The following ZNF618 variants were observed in gnomAD, a reference collection of about 807,000 sequenced individuals.
ZNF618 encodes the protein neural precursor cell expressed, developmentally down-regulated 10.
ZNF618 carries 34 observed loss-of-function variants against 103.0 expected under a neutral mutation model. That is an observed-to-expected ratio of 0.33 (90% CI 0.25 to 0.44). The LOEUF (loss-of-function observed/expected upper bound fraction) is 0.44. Among genes scored for constraint, ZNF618 ranks in the 20% least tolerant of loss-of-function variants. The pLI, the probability that ZNF618 is intolerant of heterozygous loss-of-function variation, is 1.00. For missense variants in ZNF618, 1,059 were observed against 1,295.4 expected, an observed-to-expected ratio of 0.82 and a Z score of 2.80; for synonymous variants, 551 against 542.2, an observed-to-expected ratio of 1.02 and a Z score of -0.23.
chr9:113,918,101 G>A (rs1312786911), intron 1 of ZNF618, among the ~76,000 whole-genome samples: 1 of 152,166 alleles, frequency 6.6e-6, no homozygotes, highest in Non-Finnish European at 1.5e-5. Context: ...GTGCCCTTGA[G>A]TCCTTTAAAG....
At chr9:113,968,191 G>A (rs928838204) in intron 1 of ZNF618, among the ~76,000 whole-genome samples, 1 of 152,152 alleles carries the variant, frequency 6.6e-6, no homozygotes, top group African/African-American at 2.4e-5. Context: ...CCTATGTAGG[G>A]TTACCTATGC....
intron 1 of ZNF618, among the ~76,000 whole-genome samples, chr9:113,953,941 G>T (rs1013856713): frequency 1.3e-5 from 2 of 152,156 alleles, no homozygotes; most frequent in Non-Finnish European, 2.9e-5. Context: ...AGTGCTTTAA[G>T]AAAACAGGGG....
At chr9:113,958,584 A>G (rs574219134) in intron 1 of ZNF618, among the ~76,000 whole-genome samples, 1 of 152,182 alleles carries the variant, frequency 6.6e-6, no homozygotes, top group South Asian at 2.1e-4. Flanking sequence ...GGATCTCCCC[A>G]TTTTACAGAT....
intron 9 of ZNF618, among the ~76,000 whole-genome samples, chr9:114,012,113 TC>T (rs1842307367): frequency 1.3e-5 from 2 of 151,374 alleles, no homozygotes; most frequent in Middle Eastern, 3.4e-3. Context: ...CTGAAAATGA[TC>T]TACCACAAAA....
intron 1 of ZNF618, among the ~76,000 whole-genome samples, chr9:113,899,396 G>T (rs7040839): frequency 1.3e-5 from 2 of 152,014 alleles, no homozygotes; most frequent in Middle Eastern, 3.2e-3. Context: ...GACCAGTACA[G>T]GTCCGTGGCC....
chr9:114,041,986 G>A lies in ZNF618; in HGVS notation c.1246+5609G>A, dbSNP rs576422242. Reference sequence around the variant, plus strand: ...GCATGGAATGTTCTTCCATTTGTTTGTATCCTCTTTTATTTCCTTGAGCAG... The same window carrying A: ...GCATGGAATGTTCTTCCATTTGTTTATATCCTCTTTTATTTCCTTGAGCAG... On this transcript the variant is annotated intron_variant, in intron 13 of 14. Transcript: ENST00000374126. 2.0e-5 allele frequency among the ~76,000 whole-genome samples: 3 copies of A among 152,214 alleles called. No individual in the cohort carries two copies. The East Asian group carries it at 5.8e-4, about 29-fold the overall frequency.
chr9:113,971,014 C>A (rs1263482175), intron 2 of ZNF618, among the ~76,000 whole-genome samples: 1 of 148,226 alleles, frequency 6.7e-6, no homozygotes, highest in Non-Finnish European at 1.5e-5. Context: ...GGGAGAGGAG[C>A]AGGTAGAGCT....
intron 2 of ZNF618, among the ~76,000 whole-genome samples, 171 bp from the exon 3 acceptor site, chr9:113,988,150 C>G (rs555972118): frequency 4.5e-4 from 68 of 152,280 alleles, no homozygotes; most frequent in Admixed American, 1.8e-3. Flanking sequence ...TCAGGGTTCC[C>G]TGGAAGAGCC....
At chr9:113,963,322 CT>C (rs1837041646) in intron 1 of ZNF618, among the ~76,000 whole-genome samples, 1 of 152,128 alleles carries the variant, frequency 6.6e-6, no homozygotes, top group African/African-American at 2.4e-5. Flanking sequence ...GATGTTTGTA[CT>C]AACATATAAA....
chr9:113,956,027 T>C (rs1158280267), intron 1 of ZNF618, among the ~76,000 whole-genome samples: 2 of 151,730 alleles, frequency 1.3e-5, no homozygotes, highest in Non-Finnish European at 2.9e-5. Context: ...CTGACCAACA[T>C]GGTGAAACCC....
Position 114,007,638 on chromosome 9 carries a change from A to G in ZNF618, c.640+199A>G, listed in dbSNP as rs534895893. Among the ~76,000 whole-genome samples the G allele has an allele frequency of 2.6e-5, 4 of 152,348 alleles. No homozygotes were observed. In the South Asian group the frequency reaches 8.3e-4, roughly 32 times the overall value. On this transcript the variant is annotated intron_variant, in intron 7 of 14. Coordinates refer to ENST00000374126, the MANE Select transcript of ZNF618 (RefSeq NM_001318042.2). ...ACCATCATACTCCACATACACTTCT[A>G]TTTAGGTTAACCCAAGTGAAATTGC...
At chr9:113,954,422 C>T (rs962986325) in intron 1 of ZNF618, among the ~76,000 whole-genome samples, 16 of 152,208 alleles carry the variant, frequency 1.1e-4, no homozygotes, top group African/African-American at 3.9e-4. Flanking sequence ...ACCCAAGCAA[C>T]CTACATGTTG....
chr9:113,957,463 A>G (rs1443551918), intron 1 of ZNF618, among the ~76,000 whole-genome samples: 2 of 152,298 alleles, frequency 1.3e-5, no homozygotes, highest in East Asian at 3.9e-4. Context: ...CAGCAACCTC[A>G]TTGAACAGAT....
intron 6 of ZNF618, among the ~76,000 whole-genome samples, chr9:114,003,884 G>A (rs1019267039): frequency 6.6e-6 from 1 of 152,148 alleles, no homozygotes; most frequent in Non-Finnish European, 1.5e-5. Flanking sequence ...CGTCTCCGTC[G>A]CAAGTATTCA....
In ZNF618 at chr9:114,051,511, ACTCCGAAGTCAG is replaced by A. The variant is rs1846131391; in HGVS notation, c.*1346_*1357del. 1 of 152,776 alleles carries A rather than the reference ACTCCGAAGTCAG, an allele frequency of 6.5e-6. No individual in the cohort carries two copies. The highest frequency in any genetic ancestry group is 1.5e-5 in the Non-Finnish European group (1 of 68,500). The allele number at this position is 152,776 out of a possible 1,614,324, so 9.5% of individuals were successfully genotyped here. On this transcript the variant is annotated 3_prime_UTR_variant, in exon 15 of 15. Transcript: ENST00000374126. The stretch of plus-strand genomic sequence containing the variant: ...TCCCGGACCCTGGCAGTCCACAGCG[ACTCCGAAGTCAG>A]CCCATAGTCACATCCACCACACCTC...
At chr9:113,946,888 G>A (rs1000649880) in intron 1 of ZNF618, among the ~76,000 whole-genome samples, 5 of 152,206 alleles carry the variant, frequency 3.3e-5, no homozygotes, top group African/African-American at 9.7e-5. Flanking sequence ...CCTGACAGGT[G>A]TTTGCTTGTT....
Position 114,048,862 on chromosome 9 carries a change from G to T in ZNF618, c.1560G>T (p.Thr520=), listed in dbSNP as rs753381367. 2 of 1,607,554 alleles carry T rather than the reference G, an allele frequency of 1.2e-6. No homozygotes were observed. The highest frequency in any genetic ancestry group is 1.3e-5 in the African/African-American group (1 of 74,784). The change falls in exon 15 of 15, where the codon ACG becomes ACT. Residue 520 remains threonine, a synonymous_variant. Transcript: ENST00000374126. ...CTGAAATCCTGGGCAACTTCAACACGCTGGCGCTGAAGCACCTGCCACGCA... is the reference window on the plus strand; with the variant it reads ...CTGAAATCCTGGGCAACTTCAACACTCTGGCGCTGAAGCACCTGCCACGCA... ...SVTEILGNFN[T]LALKHLPRMY...
intron 1 of ZNF618, among the ~76,000 whole-genome samples, chr9:113,914,062 C>G (rs138119686): frequency 6.6e-6 from 1 of 152,226 alleles, no homozygotes; most frequent in East Asian, 1.9e-4. Context: ...CCTGGACCAC[C>G]CTTTCCCCCT....
At chr9:113,910,118 G>C (rs1172203844) in intron 1 of ZNF618, among the ~76,000 whole-genome samples, 1 of 151,914 alleles carries the variant, frequency 6.6e-6, no homozygotes, top group Non-Finnish European at 1.5e-5. Flanking sequence ...TCCCCGCCTG[G>C]CTGCCCCTTA....
Sources: allele counts gnomAD v4.1 joint callset (sites outside exome capture counted in the v4.1 genomes callset), GRCh38; gene constraint gnomAD v4.1.1; transcripts MANE v1.5; gene names NCBI Gene and HGNC (gene_info 2026-07-23, HGNC 2026-07-21).